The following RBBP6 variants were observed in gnomAD, a reference collection of about 807,000 sequenced individuals.
RBBP6 encodes the protein RB binding protein 6, ubiquitin ligase, also known as E3 ubiquitin-protein ligase RBBP6.
A neutral mutation model predicts 167.7 loss-of-function variants in RBBP6; 25 were observed. The observed-to-expected ratio is 0.15, with a 90% confidence interval of 0.11 to 0.21. The LOEUF is 0.21. Among genes scored for constraint, RBBP6 ranks in the 10% least tolerant of loss-of-function variants. The pLI, the probability that RBBP6 is intolerant of heterozygous loss-of-function variation, is 1.00. For missense variants in RBBP6, 1,868 were observed against 2,134.2 expected (o/e 0.88, Z 2.46); for synonymous variants, 789 against 735.8 (o/e 1.07, Z -1.17).
At position 24,553,530 on chromosome 16, in the gene RBBP6, G is replaced by C; in HGVS notation, c.321G>C (p.Ala107=). ...GTGAACAGATTGATGACTCTTCCGC[G>C]TCTATTTCTCTGGCCCAGCTTACAA... The part of the protein sequence containing the change: ...ATTKAIDDSS[A]SISLAQLTKT... Residue 107 remains alanine, a synonymous_variant, in exon 4 of 18, where the codon GCG becomes GCC. Transcript: ENST00000319715. The C allele has an allele frequency of 6.2e-7, 1 of 1,609,378 alleles. No individual in the cohort carries two copies. The highest frequency in any genetic ancestry group is 8.5e-7 in the Non-Finnish European group (1 of 1,177,196).
Position 24,559,488 on chromosome 16 carries a change from A to G in RBBP6, c.675-17A>G, listed in dbSNP as rs1197276103. 12 of 1,578,862 alleles carry G rather than the reference A, an allele frequency of 7.6e-6. No homozygotes were observed. The East Asian group carries it at 2.7e-4, about 36-fold the overall frequency. On this transcript the variant is annotated splice_polypyrimidine_tract_variant and intron_variant, in intron 7 of 17. Coordinates refer to ENST00000319715, the MANE Select transcript of RBBP6 (RefSeq NM_006910.5). ...GCCTTCTTAACAATGGTAAAACATG[A>G]AAACTTTCTTTTACAGAGAAGCATA... is the stretch of plus-strand genomic sequence containing the variant.
Position 24,569,837 on chromosome 16 carries a change from T to C in RBBP6, c.3147T>C (p.Arg1049=), listed in dbSNP as rs1899283700. The C allele has an allele frequency of 1.2e-6, 2 of 1,611,956 alleles. No individual in the cohort carries two copies. Among genetic ancestry groups the C allele is most frequent in the Non-Finnish European group, 1.7e-6 (2 of 1,179,546 alleles). ...CCCAAGAAAAAGTAGATGGAGAACG[T>C]GAGAGATCTCCTCGATCTGAACCTC... ...KGPQEKVDGE[R]ERSPRSEPPI... is the part of the protein sequence containing the mutation. Residue 1049 remains arginine (R), a synonymous_variant, in exon 17 of 18, where the codon CGT becomes CGC. Coordinates refer to ENST00000319715, the MANE Select transcript of RBBP6 (RefSeq NM_006910.5).
Position 24,540,396 on chromosome 16 carries a change from G to T in RBBP6, c.-231G>T. ...GGATTCTCGATTTCCCCTCTTCCCC[G>T]TCCTCGTCCTCCTCCTCCCCCATGA... On this transcript the variant is annotated 5_prime_UTR_variant, in exon 1 of 18. Coordinates refer to ENST00000319715, the MANE Select transcript of RBBP6 (RefSeq NM_006910.5). 1 of 417,856 alleles carries T rather than the reference G, an allele frequency of 2.4e-6. No individual in the cohort carries two copies. The highest frequency in any genetic ancestry group is 4.3e-6 in the Non-Finnish European group (1 of 232,568). The allele number at this position is 417,856 out of a possible 1,614,324, so 25.9% of individuals were successfully genotyped here.
chr16:24,556,729 A>G (rs191800435), intron 7 of RBBP6, among the ~76,000 whole-genome samples: 23 of 152,254 alleles, frequency 1.5e-4, no homozygotes, highest in Non-Finnish European at 3.4e-4. Flanking sequence ...CCTCATTCAC[A>G]TACATACTCC....
chr16:24,572,704 G>A lies in RBBP6; in HGVS notation c.*259G>A, dbSNP rs774290372. ...TAACCACCATTAATTAGTTGGGGTG[G>A]AGTTTACTGTAATGTGAAATTTTCA... On this transcript the variant is annotated 3_prime_UTR_variant, in exon 18 of 18. Coordinates refer to ENST00000319715, the MANE Select transcript of RBBP6 (RefSeq NM_006910.5). 3 of 350,744 alleles carry A rather than the reference G, an allele frequency of 8.6e-6. No homozygotes were observed. The highest frequency in any genetic ancestry group is 1.5e-5 in the Non-Finnish European group (3 of 200,290). The allele number at this position is 350,744 out of a possible 1,614,324, so 21.7% of individuals were successfully genotyped here. A position where few individuals can be genotyped will look rare whatever the true frequency, so the allele number is the denominator to read the frequency against.
rs753065127 is a variant in RBBP6, at chr16:24,567,131, T to G, written c.1590-12T>G. The G allele has an allele frequency of 6.2e-7, 1 of 1,601,988 alleles. No individual in the cohort carries two copies. Among genetic ancestry groups the G allele is most frequent in the Non-Finnish European group, 8.5e-7 (1 of 1,170,946 alleles). ...GTTTGAAGAAGTAATATCTTGGAAT[T>G]TATTTTTCCAGAAGTATAAACCGTG... On this transcript the variant is annotated splice_polypyrimidine_tract_variant and intron_variant, in intron 14 of 17. Coordinates refer to ENST00000319715, the MANE Select transcript of RBBP6 (RefSeq NM_006910.5).
At chr16:24,554,773 T>TG (rs899060733) in intron 4 of RBBP6, 36 of 151,500 alleles carry the variant, frequency 2.4e-4, no homozygotes, top group African/African-American at 6.5e-4. Context: ...TGGTTTTTTT[T>TG]TTTTGTTTTT....
chr16:24,570,810 T>TTATC (rs1899308212), intron 17 of RBBP6, 66 bp from the exon 18 acceptor site: 1 of 1,213,664 alleles, frequency 8.2e-7, no homozygotes. Flanking sequence ...ATTTTTATAT[T>TTATC]TATCAGTGTT....
chr16:24,568,691 T>C, intron 16 of RBBP6, 54 bp from the exon 17 acceptor site: 1 of 1,535,350 alleles, frequency 6.5e-7, no homozygotes, highest in Non-Finnish European at 8.7e-7. Context: ...AGAGTCTGTG[T>C]TTTATTTTGT....
At chr16:24,546,298 C>T in intron 2 of RBBP6, 36 bp downstream of exon 2, 2 of 1,492,628 alleles carry the variant, frequency 1.3e-6, no homozygotes, top group Non-Finnish European at 8.9e-7. Flanking sequence ...TCAAAATAGA[C>T]TTTTTTTAGT....
intron 1 of RBBP6, among the ~76,000 whole-genome samples, chr16:24,541,516 A>AT (rs974380053): frequency 6.6e-5 from 10 of 152,114 alleles, no homozygotes; most frequent in Non-Finnish European, 1.5e-4. Context: ...AAAAGTACTG[A>AT]TTTTTTTTAA....
At chr16:24,541,181 C>CAAAAAAAA (rs751954607) in intron 1 of RBBP6, among the ~76,000 whole-genome samples, 4 of 58,030 alleles carry the variant, frequency 6.9e-5, no homozygotes, top group African/African-American at 2.0e-4. Flanking sequence ...GTTCAATCAG[C>CAAAAAAAA]AAAAAAAAAA....
Position 24,570,951 on chromosome 16 carries a change from G to A in RBBP6, c.3885G>A (p.Thr1295=), listed in dbSNP as rs751384179. 3.1e-6 allele frequency: 5 copies of A among 1,606,186 alleles called. No individual in the cohort carries two copies. Among genetic ancestry groups the A allele is most frequent in the Admixed American group, 3.3e-5 (2 of 59,824 alleles). ...ATACAAAGCGAACTGTGATTAAAAC[G>A]ATGGAAGAATATAATAATGACAATA... is the stretch of plus-strand genomic sequence containing the variant. ...KTDTKRTVIK[T]MEEYNNDNTA... Residue 1295 remains threonine (T), a synonymous_variant, in exon 18 of 18, where the codon ACG becomes ACA. Transcript: ENST00000319715.
rs774755729 is a variant in RBBP6, at chr16:24,562,175, T to C, written c.1289+14T>C. 6 of 1,577,194 alleles carry C rather than the reference T, an allele frequency of 3.8e-6. No homozygotes were observed. The South Asian group carries it at 5.5e-5, about 15-fold the overall frequency. ...TGGACCTTTTCGGTAAGCCTGTGTG[T>C]TTTTCACTGTTAGAAACCAAATGAG... On this transcript the variant is annotated intron_variant, in intron 10 of 17. Coordinates refer to ENST00000319715, the MANE Select transcript of RBBP6 (RefSeq NM_006910.5).
chr16:24,553,459 T>A, intron 3 of RBBP6, 54 bp from the exon 4 acceptor site: 1 of 1,485,234 alleles, frequency 6.7e-7, no homozygotes, highest in Non-Finnish European at 9.4e-7. Flanking sequence ...AAATGATCAC[T>A]TTAAGATGTT....
intron 14 of RBBP6, among the ~76,000 whole-genome samples, chr16:24,565,598 C>T (rs1054440531): frequency 2.6e-5 from 4 of 152,306 alleles, no homozygotes; most frequent in South Asian, 2.1e-4. Context: ...CTGGGTTGCA[C>T]GCTTCTTAGG....
intron 14 of RBBP6, 133 bp downstream of exon 14, chr16:24,564,998 C>T (rs1899158426): frequency 7.4e-7 from 1 of 1,360,156 alleles, no homozygotes; most frequent in Non-Finnish European, 9.5e-7. Flanking sequence ...CCTCTTAAGT[C>T]CTGGGTAGTT....
intron 2 of RBBP6, 33 bp from the exon 3 acceptor site, chr16:24,548,912 A>G (rs202138834): frequency 4.7e-5 from 72 of 1,530,262 alleles, no homozygotes; most frequent in East Asian, 1.6e-4. Flanking sequence ...ATAAATAGCT[A>G]ATGTTAATTT....
chr16:24,568,690 GTTTTA>G (rs2141477677), intron 16 of RBBP6, 50 bp from the exon 17 acceptor site: 3 of 1,535,382 alleles, frequency 2.0e-6, no homozygotes, highest in South Asian at 2.6e-5. Context: ...GAGAGTCTGT[GTTTTA>G]TTTTGTATGT....
Sources: allele counts gnomAD v4.1 joint callset (sites outside exome capture counted in the v4.1 genomes callset), GRCh38; gene constraint gnomAD v4.1.1; transcripts MANE v1.5; gene names NCBI Gene and HGNC (gene_info 2026-07-23, HGNC 2026-07-21).